The following AKAP6 variants were observed in gnomAD, a reference collection of about 807,000 sequenced individuals.
AKAP6 encodes A-kinase anchoring protein 6, also known as A-kinase anchor protein 6.
In AKAP6, 58 loss-of-function variants were observed where a neutral mutation model predicts 188.5. The ratio of observed to expected loss-of-function variants is 0.31; its 90% CI spans 0.25 to 0.38. AKAP6 has a LOEUF of 0.38. Ranked by LOEUF, AKAP6 falls within the 10% of genes least tolerant of loss-of-function variation. The pLI, the probability that AKAP6 is intolerant of heterozygous loss-of-function variation, is 1.00. For synonymous variants in AKAP6, 989 were observed against 998.6 expected (o/e 0.99, Z 0.18); for missense variants, 2,710 against 2,740.0 (o/e 0.99, Z 0.24).
At chr14:32,624,813 C>A (rs1382457361) in intron 7 of AKAP6, among the ~76,000 whole-genome samples, 1 of 152,012 alleles carries the variant, frequency 6.6e-6, no homozygotes, top group African/African-American at 2.4e-5. Flanking sequence ...CTTGTTGGCA[C>A]AAACAAGCTT....
At chr14:32,401,314 A>G (rs1236588945) in intron 1 of AKAP6, among the ~76,000 whole-genome samples, 1 of 152,216 alleles carries the variant, frequency 6.6e-6, no homozygotes, top group Non-Finnish European at 1.5e-5. Context: ...TTGTAGCCCC[A>G]AAGATTCTAA....
chr14:32,473,556 A>G (rs1878892364), intron 2 of AKAP6, among the ~76,000 whole-genome samples: 1 of 152,234 alleles, frequency 6.6e-6, no homozygotes, highest in Non-Finnish European at 1.5e-5. Flanking sequence ...AAGAGCTTGA[A>G]ATGCCAAATT....
At chr14:32,668,510 C>T (rs1032113294) in intron 7 of AKAP6, among the ~76,000 whole-genome samples, 1 of 151,958 alleles carries the variant, frequency 6.6e-6, no homozygotes, top group African/African-American at 2.4e-5. Context: ...TACCATTTAA[C>T]AAATATCATT....
chr14:32,688,886 G>A (rs538692952), intron 8 of AKAP6, among the ~76,000 whole-genome samples: 1 of 152,236 alleles, frequency 6.6e-6, no homozygotes, highest in Non-Finnish European at 1.5e-5. Context: ...TTAGGATTGG[G>A]CAACAGACAA....
Position 32,545,437 on chromosome 14 carries a change from G to C in AKAP6, c.784G>C (p.Glu262Gln), listed in dbSNP as rs1377063890. 6.2e-7 allele frequency: 1 copy of C among 1,614,218 alleles called. No homozygotes were observed. The highest frequency in any genetic ancestry group is 8.5e-7 in the Non-Finnish European group (1 of 1,180,030). The part of the protein sequence containing the change: ...PFDSWSYSEM[E>Q]KEFPELIRSV... ...TGACTCTTGGAGCTACAGTGAGATGGAAAAGGAGTTTCCTGAGCTTATCCG... is the reference window on the plus strand; with the variant it reads ...TGACTCTTGGAGCTACAGTGAGATGCAAAAGGAGTTTCCTGAGCTTATCCG... The change falls in exon 4 of 14, where the codon GAA becomes CAA. Residue 262 changes from glutamate (E) to glutamine (Q), a missense_variant. Around this residue, in one of 2 missense-constraint regions of AKAP6, gnomAD observed 2,473 missense variants for 2,426.1 expected, o/e 1.02. Transcript: ENST00000280979.
chr14:32,534,074 A>C lies in AKAP6; in HGVS notation c.325-1480A>C, dbSNP rs183049962. Among the ~76,000 whole-genome samples the C allele has an allele frequency of 2.6e-3, 389 of 152,330 alleles. 2 individuals carry two copies. Among genetic ancestry groups the C allele is most frequent in the Non-Finnish European group, 3.9e-3 (268 of 68,030 alleles). On this transcript the variant is annotated intron_variant, in intron 2 of 13. Transcript: ENST00000280979. ...CAACAATTAATATTCATAATTTAGCACAATTTATCATTCTTCAATAGATTT... is the reference window on the plus strand; with the variant it reads ...CAACAATTAATATTCATAATTTAGCCCAATTTATCATTCTTCAATAGATTT...
intron 2 of AKAP6, among the ~76,000 whole-genome samples, chr14:32,523,684 G>T (rs1345052116): frequency 6.6e-6 from 1 of 151,260 alleles, no homozygotes; most frequent in African/African-American, 2.4e-5. Flanking sequence ...GCCCAGACTG[G>T]TCTCGAGCTC....
At chr14:32,371,073 G>C (rs968221111) in intron 1 of AKAP6, among the ~76,000 whole-genome samples, 5 of 150,952 alleles carry the variant, frequency 3.3e-5, no homozygotes, top group African/African-American at 1.2e-4. Context: ...ACTGTGGCAA[G>C]AGAACTTCAG....
chr14:32,732,899 A>G, intron 10 of AKAP6: 2 of 574,224 alleles, frequency 3.5e-6, no homozygotes, highest in Non-Finnish European at 6.1e-6. Context: ...ATAATACAGT[A>G]TATCTGATAT....
At position 32,546,783 on chromosome 14, in the gene AKAP6, G is replaced by A; in HGVS notation, c.2130G>A (p.Glu710=). The A allele has an allele frequency of 1.2e-6, 2 of 1,614,134 alleles. No homozygotes were observed. The highest frequency in any genetic ancestry group is 1.1e-5 in the South Asian group (1 of 91,076). ...GTGACATAGCCTCTTCACTAGGGGAGAGCATTGAATCTGGGCCCCTGAGTG... is the reference window on the plus strand; with the variant it reads ...GTGACATAGCCTCTTCACTAGGGGAAAGCATTGAATCTGGGCCCCTGAGTG... ...SSSDIASSLG[E]SIESGPLSDI... The change falls in exon 4 of 14, where the codon GAG becomes GAA. Residue 710 remains glutamate (E), a synonymous_variant. Coordinates refer to ENST00000280979, the MANE Select transcript of AKAP6 (RefSeq NM_004274.5).
At chr14:32,645,637 C>T (rs1377599633) in intron 7 of AKAP6, among the ~76,000 whole-genome samples, 1 of 152,046 alleles carries the variant, frequency 6.6e-6, no homozygotes, top group Non-Finnish European at 1.5e-5. Flanking sequence ...GAACTTACTC[C>T]TGTATTGATG....
chr14:32,656,851 A>G (rs1236850168), intron 7 of AKAP6, among the ~76,000 whole-genome samples: 2 of 152,146 alleles, frequency 1.3e-5, no homozygotes, highest in Non-Finnish European at 2.9e-5. Context: ...GCAGGGTTCT[A>G]TGCTTCTTAA....
chr14:32,522,422 A>T (rs75517082), intron 2 of AKAP6, among the ~76,000 whole-genome samples: 120,803 of 151,848 alleles, frequency 0.8, 48,744 homozygotes, highest in African/African-American at 0.91. Context: ...TGGGAGAAAA[A>T]TTTTACAATC....
chr14:32,563,938 T>C (rs957801827), intron 4 of AKAP6, among the ~76,000 whole-genome samples: 6 of 152,202 alleles, frequency 3.9e-5, no homozygotes, highest in African/African-American at 1.4e-4. Context: ...CTTATTTATT[T>C]ATAATTGGTA....
intron 12 of AKAP6, among the ~76,000 whole-genome samples, chr14:32,803,981 G>A (rs1227616584): frequency 6.6e-6 from 1 of 152,106 alleles, no homozygotes; most frequent in African/African-American, 2.4e-5. Context: ...GGGTCTGATT[G>A]GTTTTACTTT....
chr14:32,543,293 G>T (rs2139144141), intron 3 of AKAP6, among the ~76,000 whole-genome samples: 1 of 152,226 alleles, frequency 6.6e-6, no homozygotes, highest in South Asian at 2.1e-4. Context: ...GAGAACATGT[G>T]GTATTTGTCT....
intron 2 of AKAP6, among the ~76,000 whole-genome samples, chr14:32,434,411 G>T (rs1890318498): frequency 1.3e-5 from 2 of 152,192 alleles, no homozygotes; most frequent in South Asian, 4.1e-4. Flanking sequence ...GACTGTTGGT[G>T]ATAATGAAAT....
intron 11 of AKAP6, among the ~76,000 whole-genome samples, chr14:32,753,834 G>C (rs1415266205): frequency 1.3e-5 from 2 of 152,018 alleles, no homozygotes; most frequent in Admixed American, 6.6e-5. Flanking sequence ...GATCATGAAT[G>C]TGTGGATTTA....
intron 12 of AKAP6, among the ~76,000 whole-genome samples, chr14:32,816,856 T>C (rs937207622): frequency 6.6e-6 from 1 of 152,208 alleles, no homozygotes; most frequent in Non-Finnish European, 1.5e-5. Context: ...TGCCTGGTTT[T>C]TGCATGTGGT....
Sources: gnomAD v4.1 joint callset for allele counts (sites outside exome capture counted in the v4.1 genomes callset) on GRCh38, gnomAD v4.1.1 for gene constraint, gnomAD v4.1.1 regional missense constraint, MANE v1.5 for transcripts, NCBI Gene and HGNC (gene_info 2026-07-23, HGNC 2026-07-21) for gene names.